The following CACNA2D3 variants were observed in gnomAD, a reference collection of about 807,000 sequenced individuals.
The protein encoded by CACNA2D3 is voltage-dependent calcium channel subunit alpha-2/delta-3.
Under a neutral mutation model 160.6 loss-of-function variants are expected in CACNA2D3, and 60 were observed. The observed-to-expected ratio is 0.37, with a 90% confidence interval of 0.30 to 0.46. CACNA2D3 has a LOEUF of 0.46. Ranked by LOEUF, CACNA2D3 falls within the 20% of genes least tolerant of loss-of-function variation. CACNA2D3 has a pLI of 1.00. For synonymous variants in CACNA2D3, 558 were observed against 492.9 expected (o/e 1.13, Z -1.75); for missense variants, 1,205 against 1,365.0 (o/e 0.88, Z 1.85).
chr3:54,123,461 G>A, intron 1 of CACNA2D3, 52 bp from the exon 2 acceptor site: 1 of 1,264,138 alleles, frequency 7.9e-7, no homozygotes, highest in Non-Finnish European at 1.2e-6. Context: ...GTGCGTGCGT[G>A]TTGACTGTGA....
intron 35 of CACNA2D3, among the ~76,000 whole-genome samples, chr3:55,040,609 CAGG>C (rs1243454114): frequency 6.6e-6 from 1 of 152,004 alleles, no homozygotes; most frequent in African/African-American, 2.4e-5. Flanking sequence ...CACTTGAGCC[CAGG>C]AGTCTGAGGC....
chr3:54,915,336 C>G (rs1700638775), intron 27 of CACNA2D3, among the ~76,000 whole-genome samples: 1 of 152,120 alleles, frequency 6.6e-6, no homozygotes, highest in South Asian at 2.1e-4. Flanking sequence ...TTTATGATCC[C>G]TGGCAAGGCA....
At chr3:54,559,401 T>C (rs1330598443) in intron 5 of CACNA2D3, among the ~76,000 whole-genome samples, 1 of 152,120 alleles carries the variant, frequency 6.6e-6, no homozygotes, top group Non-Finnish European at 1.5e-5. Context: ...CAAGCTATTT[T>C]CCTGTCTCAG....
intron 5 of CACNA2D3, among the ~76,000 whole-genome samples, chr3:54,534,770 T>C (rs1701861650): frequency 7.5e-6 from 1 of 132,530 alleles, no homozygotes; most frequent in South Asian, 2.4e-4. Flanking sequence ...AAAAAAAAAA[T>C]AGAAAAATTA....
At chr3:54,874,640 A>G (rs1335191937) in intron 18 of CACNA2D3, 1 of 148,566 alleles carries the variant, frequency 6.7e-6, no homozygotes, top group African/African-American at 2.4e-5. Context: ...CAGTGAACCT[A>G]TGAAATGGGT....
rs184122483 is a variant in CACNA2D3 at position 54,480,186 on chromosome 3, A to C, written c.382-23306A>C. Among the ~76,000 whole-genome samples the C allele has an allele frequency of 5.3e-5, 8 of 152,304 alleles. No homozygotes were observed. The South Asian group carries it at 1.4e-3, about 28-fold the overall frequency. ...TAGTGAGACCCTGTCTCTACAAAAA[A>C]AAAGAAGGAAAGAAAACTTCCTCCT... On this transcript the variant is annotated intron_variant, in intron 4 of 37. Transcript: ENST00000474759.
rs944765861 is a variant in CACNA2D3, at chr3:54,779,687, A to G, written c.1380+15336A>G. Among the ~76,000 whole-genome samples, 7 of 152,060 alleles carry G rather than the reference A, an allele frequency of 4.6e-5. No individual in the cohort carries two copies. The East Asian group carries it at 1.4e-3, about 29-fold the overall frequency. On this transcript the variant is annotated intron_variant, in intron 13 of 37. Transcript: ENST00000474759. Reference sequence around the variant, plus strand: ...GAACATTCTTCTCCTTCTGAACTGGAAAGACTCCCCTGCTGCTCTGCTTCT... The same window carrying G: ...GAACATTCTTCTCCTTCTGAACTGGGAAGACTCCCCTGCTGCTCTGCTTCT...
rs1400419322 is a variant in CACNA2D3 at position 55,074,174 on chromosome 3, C to G, written c.3244C>G (p.Leu1082Val). Residue 1082 changes from leucine (L) to valine (V), a missense_variant, in exon 38 of 38, where the codon CTC becomes GTC. Coordinates refer to ENST00000474759, the MANE Select transcript of CACNA2D3 (RefSeq NM_018398.3). ...SLQAQTVLLL[L>V]PLLLMLFSR ...CCAAGCCCAGACAGTCCTCCTTCTG[C>G]TCCCTCTGCTTTTGATGCTCTTCTC... The G allele has an allele frequency of 2.5e-6, 4 of 1,613,788 alleles. No homozygotes were observed. Among genetic ancestry groups the G allele is most frequent in the Non-Finnish European group, 3.4e-6 (4 of 1,179,720 alleles).
chr3:54,324,981 G>A (rs1282359115), intron 3 of CACNA2D3, among the ~76,000 whole-genome samples: 1 of 152,120 alleles, frequency 6.6e-6, no homozygotes, highest in Non-Finnish European at 1.5e-5. Flanking sequence ...AGTTGCTGAT[G>A]TTGAGAAATG....
chr3:54,296,320 C>G (rs1575378032), intron 2 of CACNA2D3, among the ~76,000 whole-genome samples: 2 of 152,184 alleles, frequency 1.3e-5, no homozygotes, highest in African/African-American at 4.8e-5. Flanking sequence ...CCTTTTCTCT[C>G]TCCCAGCCAC....
intron 8 of CACNA2D3, among the ~76,000 whole-genome samples, chr3:54,572,344 A>G (rs1183006561): frequency 6.6e-6 from 1 of 152,182 alleles, no homozygotes; most frequent in Non-Finnish European, 1.5e-5. Flanking sequence ...AAATAGCAGG[A>G]GTTTAAATAT....
rs541058841 is a variant in CACNA2D3, at chr3:54,349,915, C to T, written c.321+29357C>T. Among the ~76,000 whole-genome samples the T allele has an allele frequency of 1.9e-3, 289 of 152,354 alleles. 1 individual carries two copies. The highest frequency in any genetic ancestry group is 3.4e-3 in the Middle Eastern group (1 of 294). The stretch of plus-strand genomic sequence containing the variant: ...TGTCTGCGTATGCTGGCTGCCATGA[C>T]GTAAATTCTCTTTAACACATTCCTT... On this transcript the variant is annotated intron_variant, in intron 3 of 37. Transcript: ENST00000474759.
At chr3:54,921,862 T>C (rs1359677657) in intron 27 of CACNA2D3, among the ~76,000 whole-genome samples, 4 of 151,564 alleles carry the variant, frequency 2.6e-5, no homozygotes, top group Non-Finnish European at 4.4e-5. Flanking sequence ...TAGTCTGTTA[T>C]GTCGGTTAGC....
chr3:54,687,411 A>G (rs1465192210), intron 11 of CACNA2D3, among the ~76,000 whole-genome samples: 2 of 151,324 alleles, frequency 1.3e-5, no homozygotes, highest in African/African-American at 4.9e-5. Context: ...TGGCCTCCCA[A>G]TGTGCCAGGA....
intron 16 of CACNA2D3, among the ~76,000 whole-genome samples, chr3:54,843,851 G>C: frequency 6.6e-6 from 1 of 152,336 alleles, no homozygotes; most frequent in East Asian, 1.9e-4. Context: ...TGGGGAGTCT[G>C]TGTGGTTGGT....
rs538696241 is a variant in CACNA2D3 at position 54,673,005 on chromosome 3, C to G, written c.1167+30764C>G. On this transcript the variant is annotated intron_variant, in intron 11 of 37. Coordinates refer to ENST00000474759, the MANE Select transcript of CACNA2D3 (RefSeq NM_018398.3). ...AAGTAAATTTACTCTCACATGCCAG[C>G]TTCTGTTGATGGGGTGACTGTGTTT... Among the ~76,000 whole-genome samples the G allele has an allele frequency of 2.6e-3, 392 of 152,326 alleles. 3 individuals are homozygous for G. The Middle Eastern group carries it at 0.041, about 16-fold the overall frequency.
At chr3:54,796,555 G>C (rs774483297) in intron 13 of CACNA2D3, among the ~76,000 whole-genome samples, 25 of 152,190 alleles carry the variant, frequency 1.6e-4, no homozygotes, top group Non-Finnish European at 2.9e-4. Context: ...ATATGTAAGA[G>C]AATGAAATGT....
intron 5 of CACNA2D3, among the ~76,000 whole-genome samples, chr3:54,539,907 T>G (rs1008601108): frequency 2.0e-5 from 3 of 152,136 alleles, no homozygotes; most frequent in African/African-American, 7.2e-5. Flanking sequence ...CAGGCCCTGC[T>G]TCTGGGTTGG....
intron 5 of CACNA2D3, among the ~76,000 whole-genome samples, chr3:54,516,336 C>G (rs573191558): frequency 2.0e-5 from 3 of 152,290 alleles, no homozygotes; most frequent in East Asian, 1.9e-4. Flanking sequence ...TCCAAAGTGC[C>G]ACCGTCTGAA....
Sources: gnomAD v4.1 joint callset for allele counts (sites outside exome capture counted in the v4.1 genomes callset) on GRCh38, gnomAD v4.1.1 for gene constraint, MANE v1.5 for transcripts, NCBI Gene and HGNC (gene_info 2026-07-23, HGNC 2026-07-21) for gene names.